Variants in PTPRN2 observed in about 807,000 individuals in gnomAD.
The protein encoded by PTPRN2 is protein tyrosine phosphatase receptor type N2, also known as receptor-type tyrosine-protein phosphatase N2.
In PTPRN2, 74 loss-of-function variants were observed where a neutral mutation model predicts 118.8. That is an observed-to-expected ratio of 0.62 (90% CI 0.52 to 0.76). The LOEUF (loss-of-function observed/expected upper bound fraction) is 0.76. Among genes scored for constraint, PTPRN2 ranks in the 30% least tolerant of loss-of-function variants. The pLI is 0.00. For synonymous variants in PTPRN2, 641 were observed against 608.0 expected (o/e 1.05, Z -0.80); for missense variants, 1,481 against 1,394.4 (o/e 1.06, Z -0.99).
rs568718599 is a variant in PTPRN2 at position 157,788,715 on chromosome 7, A to G, written c.1789-105778T>C. On this transcript the variant is annotated intron_variant, in intron 12 of 22. Coordinates refer to ENST00000389418, the MANE Select transcript of PTPRN2 (RefSeq NM_002847.5). ...CTCTGGGGCCACCCAACTGCCATGC[A>G]GGAGGCCTCCGGGGCCACCCCACTG... Among the ~76,000 whole-genome samples, 510 of 152,126 alleles carry G rather than the reference A, an allele frequency of 3.4e-3. 2 individuals are homozygous for G. Among genetic ancestry groups the G allele is most frequent in the African/African-American group, 0.011 (460 of 41,498 alleles).
intron 10 of PTPRN2, among the ~76,000 whole-genome samples, chr7:158,107,719 C>T (rs1815799594): frequency 6.6e-6 from 1 of 152,206 alleles, no homozygotes; most frequent in African/African-American, 2.4e-5. Context: ...AGAAGTCACC[C>T]AGTGGCCACC....
chr7:158,001,373 T>A (rs1805248467), intron 11 of PTPRN2, among the ~76,000 whole-genome samples: 1 of 151,722 alleles, frequency 6.6e-6, no homozygotes, highest in Non-Finnish European at 1.5e-5. Context: ...AGAGGTAGAG[T>A]TCACGTGCAA....
intron 2 of PTPRN2, among the ~76,000 whole-genome samples, chr7:158,379,100 G>A (rs1265602777): frequency 2.6e-5 from 4 of 152,218 alleles, no homozygotes; most frequent in Non-Finnish European, 5.9e-5. Context: ...GCCAGGCCTG[G>A]CCCTGTGTGC....
Position 158,094,136 on chromosome 7 carries a change from C to A in PTPRN2, c.1644-12759G>T, listed in dbSNP as rs76534082. On this transcript the variant is annotated intron_variant, in intron 10 of 22. Coordinates refer to ENST00000389418, the MANE Select transcript of PTPRN2 (RefSeq NM_002847.5). Reference sequence around the variant, plus strand: ...TTTGAACTTTAGAAGCATTTGCCTCCTTTGAAGTTCTACTGCAGGCTGCTT... The same window carrying A: ...TTTGAACTTTAGAAGCATTTGCCTCATTTGAAGTTCTACTGCAGGCTGCTT... Among the ~76,000 whole-genome samples the A allele has an allele frequency of 8.0e-3, 1,212 of 152,238 alleles. 22 individuals are homozygous for A. The highest frequency in any genetic ancestry group is 0.026 in the African/African-American group (1,088 of 41,536).
chr7:158,252,687 T>A (rs796905895), intron 3 of PTPRN2, among the ~76,000 whole-genome samples: 12 of 152,248 alleles, frequency 7.9e-5, no homozygotes, highest in African/African-American at 2.9e-4. Context: ...ACCCCAGTGC[T>A]GAAGCCCAAG....
intron 10 of PTPRN2, among the ~76,000 whole-genome samples, chr7:158,110,223 C>G (rs1816111022): frequency 6.6e-6 from 1 of 152,240 alleles, no homozygotes; most frequent in African/African-American, 2.4e-5. Context: ...CTGCACTCAG[C>G]CATCTCTGCT....
intron 12 of PTPRN2, among the ~76,000 whole-genome samples, chr7:157,726,117 T>C: frequency 1.5e-5 from 1 of 66,344 alleles, no homozygotes; most frequent in African/African-American, 7.2e-5. Flanking sequence ...AAACTGGATA[T>C]CCACATGCAG....
At chr7:157,556,751 A>G (rs1236251710) in intron 21 of PTPRN2, among the ~76,000 whole-genome samples, 2 of 151,608 alleles carry the variant, frequency 1.3e-5, no homozygotes, top group African/African-American at 4.9e-5. Flanking sequence ...CCCCACACTC[A>G]TACATATGCA....
chr7:157,551,114 C>A (rs1024809410), intron 21 of PTPRN2, among the ~76,000 whole-genome samples: 1 of 152,160 alleles, frequency 6.6e-6, no homozygotes, highest in Non-Finnish European at 1.5e-5. Context: ...CGCAGGGGAA[C>A]TGGCCTCTCT....
intron 15 of PTPRN2, among the ~76,000 whole-genome samples, chr7:157,606,034 G>C (rs1003100469): frequency 6.6e-6 from 1 of 152,006 alleles, no homozygotes. Context: ...GCAGGCCAGA[G>C]CTGAGCTGCC....
At chr7:158,300,880 G>A (rs941185194) in intron 3 of PTPRN2, among the ~76,000 whole-genome samples, 6 of 152,056 alleles carry the variant, frequency 3.9e-5, no homozygotes, top group African/African-American at 7.2e-5. Context: ...AAACACAGCC[G>A]AGTGAGTTTC....
chr7:158,105,147 C>A lies in PTPRN2; in HGVS notation c.1643+5682G>T, dbSNP rs1345689990. Among the ~76,000 whole-genome samples, 3 of 149,450 alleles carry A rather than the reference C, an allele frequency of 2.0e-5. No homozygotes were observed. The East Asian group carries it at 6.0e-4, about 30-fold the overall frequency. The stretch of plus-strand genomic sequence containing the variant: ...TACTCCATCCCAGCTCCATCCTCAG[C>A]TTTATCTCAACTCCAGTCAGCTCCA... On this transcript the variant is annotated intron_variant, in intron 10 of 22. Coordinates refer to ENST00000389418, the MANE Select transcript of PTPRN2 (RefSeq NM_002847.5).
At chr7:157,920,380 G>A (rs561292008) in intron 11 of PTPRN2, among the ~76,000 whole-genome samples, 21 of 152,266 alleles carry the variant, frequency 1.4e-4, no homozygotes, top group Middle Eastern at 3.4e-3. Context: ...TCCCAGGAGC[G>A]CCAGCACCAA....
intron 12 of PTPRN2, among the ~76,000 whole-genome samples, chr7:157,745,358 G>A (rs955865743): frequency 2.6e-5 from 4 of 152,158 alleles, no homozygotes; most frequent in East Asian, 1.9e-4. Flanking sequence ...TGCTCCAGAC[G>A]AACGCAAGGC....
chr7:158,333,691 C>G, intron 2 of PTPRN2, among the ~76,000 whole-genome samples: 1 of 151,326 alleles, frequency 6.6e-6, no homozygotes, highest in East Asian at 2.0e-4. Context: ...CACTCACACC[C>G]ACACTGTCAC....
At chr7:158,154,822 C>G (rs1821555657) in intron 6 of PTPRN2, among the ~76,000 whole-genome samples, 1 of 152,170 alleles carries the variant, frequency 6.6e-6, no homozygotes. Flanking sequence ...TTAATGCATA[C>G]TAGGGATCCC....
intron 11 of PTPRN2, among the ~76,000 whole-genome samples, chr7:158,017,589 A>G (rs1000227696): frequency 2.0e-5 from 3 of 152,202 alleles, no homozygotes; most frequent in Non-Finnish European, 4.4e-5. Context: ...TTTCTATGTT[A>G]ACCACACAGT....
intron 3 of PTPRN2, among the ~76,000 whole-genome samples, chr7:158,294,621 G>GGCAA (rs1281985710): frequency 5.3e-5 from 8 of 152,160 alleles, no homozygotes; most frequent in Admixed American, 5.2e-4. Flanking sequence ...GCGAGAGGCA[G>GGCAA]GGCTGAGCCA....
chr7:158,071,817 GTATGGAGGTGCCC>G (rs1811865207), intron 11 of PTPRN2, among the ~76,000 whole-genome samples: 12 of 80,874 alleles, frequency 1.5e-4, no homozygotes, highest in Admixed American at 2.6e-4. Context: ...GGTGCTCGTC[GTATGGAGGTGCCC>G]GTGGTGGAGG....
Sources: gnomAD v4.1 joint callset for allele counts (sites outside exome capture counted in the v4.1 genomes callset) on GRCh38, gnomAD v4.1.1 for gene constraint, MANE v1.5 for transcripts, NCBI Gene and HGNC (gene_info 2026-07-23, HGNC 2026-07-21) for gene names.